The following IDE variants were observed in gnomAD, a reference collection of about 807,000 sequenced individuals.
The protein encoded by IDE is insulin-degrading enzyme.
Under a neutral mutation model 133.2 loss-of-function variants are expected in IDE, and 58 were observed. That is an observed-to-expected ratio of 0.44 (90% CI 0.35 to 0.54). The LOEUF is 0.54. Among genes scored for constraint, IDE ranks in the 20% least tolerant of loss-of-function variants. The pLI, the probability that IDE is intolerant of heterozygous loss-of-function variation, is 0.00. For synonymous variants in IDE, 396 were observed against 421.3 expected (o/e 0.94, Z 0.73); for missense variants, 981 against 1,234.0 (o/e 0.79, Z 3.07).
At chr10:92,466,201 A>G (rs1391751011) in intron 19 of IDE, among the ~76,000 whole-genome samples, 1 of 141,662 alleles carries the variant, frequency 7.1e-6, no homozygotes, top group Non-Finnish European at 1.5e-5. Flanking sequence ...ACTGCACTCC[A>G]GACCAAGACA....
chr10:92,553,082 C>T (rs1011284372), intron 1 of IDE, among the ~76,000 whole-genome samples: 8 of 151,396 alleles, frequency 5.3e-5, no homozygotes, highest in South Asian at 4.2e-4. Context: ...AATTTTCAGC[C>T]GTAAGTTAAG....
rs545045853 is a variant in IDE at position 92,451,851 on chromosome 10, T to C, written c.*2593A>G. 1 of 152,354 alleles carries C rather than the reference T, an allele frequency of 6.6e-6. No individual in the cohort carries two copies. Among genetic ancestry groups the C allele is most frequent in the African/African-American group, 2.4e-5 (1 of 41,586 alleles). 9.4% of individuals were successfully genotyped at this position (152,354 alleles called of 1,614,324 possible). ...ACAAGATATCTGCCTAAACTGCAGC[T>C]GGAGATGTGGCAAGAAGATGTAAGG... On this transcript the variant is annotated 3_prime_UTR_variant, in exon 25 of 25. Transcript: ENST00000265986.
chr10:92,503,190 T>C (rs1848117544), intron 11 of IDE, among the ~76,000 whole-genome samples: 1 of 152,132 alleles, frequency 6.6e-6, no homozygotes, highest in African/African-American at 2.4e-5. Context: ...CCCAGCACTT[T>C]GTGGGGCTAA....
chr10:92,461,327 T>C, intron 21 of IDE, 75 bp from the exon 22 acceptor site: 1 of 714,276 alleles, frequency 1.4e-6, no homozygotes, highest in Non-Finnish European at 2.5e-6. Flanking sequence ...TAAATGACAA[T>C]ATACTTCACT....
At chr10:92,478,634 AT>A in intron 15 of IDE, 1 of 1,187,414 alleles carries the variant, frequency 8.4e-7, no homozygotes, top group Non-Finnish European at 1.1e-6. Context: ...TTTGGTTTTC[AT>A]TTTACTTACA....
At chr10:92,476,042 A>T (rs1358606395) in intron 15 of IDE, 48 bp from the exon 16 acceptor site, 1 of 784,008 alleles carries the variant, frequency 1.3e-6, no homozygotes, top group East Asian at 2.6e-5. Context: ...ATCACAAAAC[A>T]ACTTCCAAAT....
intron 1 of IDE, chr10:92,573,192 G>C (rs1399403532): frequency 2.0e-6 from 2 of 985,260 alleles, no homozygotes; most frequent in Admixed American, 6.2e-5. Context: ...GCAGTGGAGA[G>C]GGCACGCCGC....
rs377478971 is a variant in IDE, at chr10:92,510,008, C to T, written c.897+42G>A. Reference sequence around the variant, plus strand: ...ATGGTAAACTAGGTATATATTATGTCCATAAATTAAGAAGACAAAATACCA... The same window carrying T: ...ATGGTAAACTAGGTATATATTATGTTCATAAATTAAGAAGACAAAATACCA... On this transcript the variant is annotated intron_variant, in intron 6 of 24. Coordinates refer to ENST00000265986, the MANE Select transcript of IDE (RefSeq NM_004969.4). 6.2e-5 allele frequency: 58 copies of T among 937,276 alleles called. No homozygotes were observed. The African/African-American group carries it at 9.2e-4, about 15-fold the overall frequency. 58.1% of individuals were successfully genotyped at this position (937,276 alleles called of 1,614,324 possible).
At chr10:92,473,940 C>T (rs947503114) in intron 17 of IDE, among the ~76,000 whole-genome samples, 8 of 151,936 alleles carry the variant, frequency 5.3e-5, no homozygotes, top group Non-Finnish European at 1.0e-4. Context: ...TGAGATTGCA[C>T]CACTGCACTC....
rs748392261 is a variant in IDE at position 92,531,863 on chromosome 10, C to T, written c.546G>A (p.Glu182=). ...PLFDESCKDR[E]VNAVDSEHEK... ...CATGTTCTGAATCAACTGCATTCACCTCTCTGTCTTTGCAACTTTCATCGA... is the reference window on the plus strand; with the variant it reads ...CATGTTCTGAATCAACTGCATTCACTTCTCTGTCTTTGCAACTTTCATCGA... Residue 182 remains glutamate, a synonymous_variant, in exon 4 of 25, where the codon GAG becomes GAA. Coordinates refer to ENST00000265986, the MANE Select transcript of IDE (RefSeq NM_004969.4). The T allele has an allele frequency of 6.3e-7, 1 of 1,581,564 alleles. No homozygotes were observed. The highest frequency in any genetic ancestry group is 1.4e-5 in the African/African-American group (1 of 73,868).
At chr10:92,509,454 A>G (rs1298241051) in intron 6 of IDE, among the ~76,000 whole-genome samples, 1 of 151,992 alleles carries the variant, frequency 6.6e-6, no homozygotes, top group Non-Finnish European at 1.5e-5. Context: ...TTAGCCAGGC[A>G]CAGTGGCATG....
chr10:92,492,196 C>G (rs1274657596), intron 11 of IDE, among the ~76,000 whole-genome samples: 1 of 150,892 alleles, frequency 6.6e-6, no homozygotes, highest in Non-Finnish European at 1.5e-5. Flanking sequence ...GAAGGCGGAG[C>G]ATGCAGTGAG....
intron 1 of IDE, among the ~76,000 whole-genome samples, chr10:92,556,740 A>G (rs1410889964): frequency 6.6e-6 from 1 of 151,982 alleles, no homozygotes; most frequent in Non-Finnish European, 1.5e-5. Context: ...CCTGGGCAAC[A>G]GAGCGAAAGT....
At chr10:92,496,573 G>A (rs574030313) in intron 11 of IDE, among the ~76,000 whole-genome samples, 32 of 152,228 alleles carry the variant, frequency 2.1e-4, no homozygotes, top group Non-Finnish European at 4.0e-4. Context: ...ATCACTTGAG[G>A]TCAGGAGTTC....
At chr10:92,512,574 A>AC (rs397812697) in intron 5 of IDE, among the ~76,000 whole-genome samples, 2 of 151,052 alleles carry the variant, frequency 1.3e-5, no homozygotes, top group Non-Finnish European at 3.0e-5. Flanking sequence ...AAAAAAAAAA[A>AC]CACCCAGCTT....
intron 1 of IDE, among the ~76,000 whole-genome samples, chr10:92,548,969 C>T (rs1480980985): frequency 6.6e-6 from 1 of 152,086 alleles, no homozygotes; most frequent in Non-Finnish European, 1.5e-5. Flanking sequence ...TGGGATATCT[C>T]CCACAAGAAA....
intron 5 of IDE, among the ~76,000 whole-genome samples, chr10:92,510,636 T>C (rs961990903): frequency 2.0e-5 from 3 of 151,282 alleles, no homozygotes; most frequent in Admixed American, 6.6e-5. Flanking sequence ...TGTGTATATA[T>C]ATATCACATA....
chr10:92,508,242 A>C, intron 7 of IDE, 37 bp from the exon 8 acceptor site: 6 of 1,474,660 alleles, frequency 4.1e-6, no homozygotes, highest in East Asian at 2.3e-5. Context: ...GATTGATTGC[A>C]TATGTGGCTT....
intron 11 of IDE, among the ~76,000 whole-genome samples, chr10:92,495,458 A>G (rs1847629925): frequency 6.6e-6 from 1 of 151,910 alleles, no homozygotes; most frequent in Middle Eastern, 3.4e-3. Context: ...CGACCTTGTG[A>G]TCCGCCCACC....
Sources: gnomAD v4.1 joint callset for allele counts (sites outside exome capture counted in the v4.1 genomes callset) on GRCh38, gnomAD v4.1.1 for gene constraint, MANE v1.5 for transcripts, NCBI Gene and HGNC (gene_info 2026-07-23, HGNC 2026-07-21) for gene names.